KIFAP3: variants seen among roughly 807,000 people sequenced by gnomAD.
The protein encoded by KIFAP3 is kinesin-associated protein 3.
KIFAP3 carries 68 observed loss-of-function variants against 106.5 expected under a neutral mutation model. The observed-to-expected ratio is 0.64, with a 90% confidence interval of 0.53 to 0.78. The LOEUF is 0.78. KIFAP3 is among the 30% of genes least tolerant of loss of function. The pLI is 0.00. For synonymous variants in KIFAP3, 320 were observed against 311.5 expected, an observed-to-expected ratio of 1.03 and a Z score of -0.29; for missense variants, 780 against 941.8, an observed-to-expected ratio of 0.83 and a Z score of 2.25.
chr1:170,012,662 G>A (rs1035779843), intron 10 of KIFAP3, among the ~76,000 whole-genome samples: 4 of 152,076 alleles, frequency 2.6e-5, no homozygotes, highest in Non-Finnish European at 5.9e-5. Flanking sequence ...AGGTGGTTAC[G>A]TCATGAAAGC....
intron 1 of KIFAP3, among the ~76,000 whole-genome samples, chr1:170,062,307 G>A (rs1403388788): frequency 2.7e-5 from 4 of 146,906 alleles, no homozygotes; most frequent in East Asian, 3.9e-4. Flanking sequence ...TAATGCCACT[G>A]TTGCTTAACA....
intron 19 of KIFAP3, among the ~76,000 whole-genome samples, chr1:169,945,741 C>T (rs1243852440): frequency 6.6e-6 from 1 of 152,142 alleles, no homozygotes; most frequent in Non-Finnish European, 1.5e-5. Flanking sequence ...AATATTTTTT[C>T]AACTCAGGAC....
At chr1:170,000,341 G>C (rs1290599347) in intron 10 of KIFAP3, among the ~76,000 whole-genome samples, 1 of 152,110 alleles carries the variant, frequency 6.6e-6, no homozygotes, top group Non-Finnish European at 1.5e-5. Context: ...TCCATGAAAA[G>C]ATAATAGAAG....
chr1:169,957,595 A>C (rs1665093195), intron 18 of KIFAP3, among the ~76,000 whole-genome samples: 2 of 152,068 alleles, frequency 1.3e-5, no homozygotes, highest in Admixed American at 1.3e-4. Context: ...CTTGTATATC[A>C]TATACTCTTA....
chr1:170,010,226 T>C (rs1463789929), intron 10 of KIFAP3, among the ~76,000 whole-genome samples: 1 of 152,010 alleles, frequency 6.6e-6, no homozygotes, highest in Non-Finnish European at 1.5e-5. Context: ...TATTCATATA[T>C]AAGGTTTTCC....
At chr1:169,987,309 T>G (rs546894) in intron 11 of KIFAP3, among the ~76,000 whole-genome samples, 1 of 151,892 alleles carries the variant, frequency 6.6e-6, no homozygotes, top group Non-Finnish European at 1.5e-5. Flanking sequence ...GAGGCAATAG[T>G]GTTCAATCAG....
At chr1:169,926,355 G>T (rs552266586) in intron 19 of KIFAP3, among the ~76,000 whole-genome samples, 6 of 152,146 alleles carry the variant, frequency 3.9e-5, no homozygotes, top group Middle Eastern at 3.4e-3. Flanking sequence ...CATCTCAGTT[G>T]CTCTCTAAAA....
intron 1 of KIFAP3, among the ~76,000 whole-genome samples, chr1:170,059,405 T>A (rs546391491): frequency 8.5e-5 from 13 of 152,094 alleles, no homozygotes; most frequent in African/African-American, 2.9e-4. Context: ...AACTAGAAAA[T>A]CTAGAAGAAA....
intron 1 of KIFAP3, among the ~76,000 whole-genome samples, chr1:170,073,659 A>T (rs961469170): frequency 4.6e-5 from 7 of 151,728 alleles, no homozygotes; most frequent in African/African-American, 1.5e-4. Context: ...CTGAATTAAA[A>T]TTTTTTTCTA....
At chr1:170,072,564 A>G (rs904892687) in intron 1 of KIFAP3, among the ~76,000 whole-genome samples, 4 of 152,208 alleles carry the variant, frequency 2.6e-5, no homozygotes, top group African/African-American at 9.6e-5. Flanking sequence ...TAAGAATCAA[A>G]CACCAAAACA....
At chr1:169,983,697 C>T (rs1666647676) in intron 12 of KIFAP3, among the ~76,000 whole-genome samples, 1 of 151,744 alleles carries the variant, frequency 6.6e-6, no homozygotes, top group Non-Finnish European at 1.5e-5. Flanking sequence ...TAGAATCATA[C>T]CATATGTGCT....
intron 16 of KIFAP3, among the ~76,000 whole-genome samples, 187 bp downstream of exon 16, chr1:169,977,898 T>C (rs895487314): frequency 6.6e-6 from 1 of 152,022 alleles, no homozygotes; most frequent in South Asian, 2.1e-4. Flanking sequence ...TTGTTCTCAT[T>C]ATATTCTACC....
intron 3 of KIFAP3, among the ~76,000 whole-genome samples, chr1:170,042,073 G>C (rs755621474): frequency 6.6e-6 from 1 of 152,172 alleles, no homozygotes; most frequent in East Asian, 1.9e-4. Context: ...AGGGGGGTCT[G>C]TTTTATCTGT....
chr1:170,044,046 T>G (rs1670116866), intron 3 of KIFAP3, among the ~76,000 whole-genome samples: 1 of 152,134 alleles, frequency 6.6e-6, no homozygotes, highest in African/African-American at 2.4e-5. Context: ...CTAAACCCTC[T>G]GCTGGGAACC....
At chr1:170,002,114 T>C (rs1350676380) in intron 10 of KIFAP3, among the ~76,000 whole-genome samples, 2 of 152,128 alleles carry the variant, frequency 1.3e-5, no homozygotes, top group South Asian at 4.1e-4. Context: ...TCTCCAAAAA[T>C]AAGGGAAATC....
intron 1 of KIFAP3, among the ~76,000 whole-genome samples, chr1:170,073,188 T>C (rs1459652882): frequency 6.6e-6 from 1 of 152,222 alleles, no homozygotes; most frequent in Non-Finnish European, 1.5e-5. Flanking sequence ...AACCAAGGTA[T>C]TTTAAAAACC....
chr1:169,949,937 A>C (rs1183443060), intron 19 of KIFAP3, among the ~76,000 whole-genome samples: 3 of 152,178 alleles, frequency 2.0e-5, no homozygotes, highest in Non-Finnish European at 4.4e-5. Flanking sequence ...AGAATGGGAT[A>C]GATGAGTTTA....
At chr1:169,938,599 G>A (rs1009555165) in intron 19 of KIFAP3, among the ~76,000 whole-genome samples, 5 of 152,044 alleles carry the variant, frequency 3.3e-5, no homozygotes, top group Admixed American at 2.0e-4. Flanking sequence ...TTAAACAAAC[G>A]TCTATTGAGA....
intron 19 of KIFAP3, among the ~76,000 whole-genome samples, chr1:169,941,205 T>G (rs1189591483): frequency 6.6e-6 from 1 of 152,182 alleles, no homozygotes; most frequent in Non-Finnish European, 1.5e-5. Context: ...AAGCTACATT[T>G]TGAAAGTTCA....
Sources: gnomAD v4.1 joint callset for allele counts (sites outside exome capture counted in the v4.1 genomes callset) on GRCh38, gnomAD v4.1.1 for gene constraint, MANE v1.5 for transcripts, NCBI Gene and HGNC (gene_info 2026-07-23, HGNC 2026-07-21) for gene names.